UBE2U: variants seen among roughly 807,000 people sequenced by gnomAD.
The protein encoded by UBE2U is ubiquitin conjugating enzyme E2 U.
In UBE2U, 39 loss-of-function variants were observed where a neutral mutation model predicts 41.2. The ratio of observed to expected loss-of-function variants is 0.95; its 90% CI spans 0.73 to 1.24. The LOEUF (loss-of-function observed/expected upper bound fraction) is 1.24, where lower values mean the gene tolerates loss of function less well. UBE2U is among the 50% of genes most tolerant of loss of function. UBE2U has a pLI of 0.00. For synonymous variants in UBE2U, 107 were observed against 117.8 expected, an observed-to-expected ratio of 0.91 and a Z score of 0.60; for missense variants, 336 against 363.1, an observed-to-expected ratio of 0.93 and a Z score of 0.61.
chr1:64,246,539 A>C (rs1644924217), intron 8 of UBE2U, among the ~76,000 whole-genome samples: 1 of 152,180 alleles, frequency 6.6e-6, no homozygotes. Flanking sequence ...GTGGTTAACA[A>C]GTGAATTAGC....
At chr1:64,232,211 A>G (rs1644580518) in intron 6 of UBE2U, among the ~76,000 whole-genome samples, 1 of 152,254 alleles carries the variant, frequency 6.6e-6, no homozygotes, top group Admixed American at 6.5e-5. Context: ...ATTGTTTCTT[A>G]TAGAATGAGA....
At chr1:64,239,172 G>GAAGAAGAAGAAGAAGAAGAA (rs1644779882) in intron 7 of UBE2U, among the ~76,000 whole-genome samples, 18 of 95,736 alleles carry the variant, frequency 1.9e-4, no homozygotes, top group African/African-American at 7.5e-4. Context: ...AGAAGAAGAA[G>GAAGAAGAAGAAGAAGAAGAA]AAGAAGAAGA....
rs1417204759 is a variant in UBE2U at position 64,249,515 on chromosome 1, C to A, written c.677+7782C>A. ...GAATTAACAGATACAGACTTTAAAG[C>A]AGCTACTATACATCTTATAAAATAT... On this transcript the variant is annotated intron_variant, in intron 8 of 9. Coordinates refer to ENST00000371077, the MANE Select transcript of UBE2U (RefSeq NM_001366232.2). Among the ~76,000 whole-genome samples the A allele has an allele frequency of 1.3e-5, 2 of 151,222 alleles. 1 individual carries two copies. Among genetic ancestry groups the A allele is most frequent in the African/African-American group, 4.9e-5 (2 of 41,162 alleles).
intron 8 of UBE2U, among the ~76,000 whole-genome samples, chr1:64,255,353 G>A (rs1390281143): frequency 6.6e-6 from 1 of 152,018 alleles, no homozygotes; most frequent in African/African-American, 2.4e-5. Flanking sequence ...AGAAGAGCTG[G>A]TACCATTTCT....
Position 64,252,442 on chromosome 1 carries a change from C to G in UBE2U, c.678-8161C>G, listed in dbSNP as rs553942009. Among the ~76,000 whole-genome samples, 40 of 152,342 alleles carry G rather than the reference C, an allele frequency of 2.6e-4. No homozygotes were observed. In the East Asian group the frequency reaches 7.3e-3, roughly 28 times the overall value. Reference sequence around the variant, plus strand: ...AAGTGGGTCCTTGATCCTGTTCCTCCTGACTGGGAGAGACCTTCCAATAGG... The same window carrying G: ...AAGTGGGTCCTTGATCCTGTTCCTCGTGACTGGGAGAGACCTTCCAATAGG... On this transcript the variant is annotated intron_variant, in intron 8 of 9. Transcript: ENST00000371077.
At chr1:64,229,311 A>G (rs1052031824) in intron 6 of UBE2U, among the ~76,000 whole-genome samples, 6 of 152,154 alleles carry the variant, frequency 3.9e-5, no homozygotes, top group Admixed American at 1.3e-4. Flanking sequence ...AGGGGTAGAA[A>G]AACTACAAGG....
In UBE2U at chr1:64,267,351, T is replaced by C. The variant is rs1435721839; in HGVS notation, c.*143T>C. ...TCACTGCAAGTACAAATTAGAAATA[T>C]AAGTACAAATCAGTAAAGATGTTGC... On this transcript the variant is annotated 3_prime_UTR_variant, in exon 10 of 10. Transcript: ENST00000371077. The C allele has an allele frequency of 1.5e-6, 1 of 668,672 alleles. No individual in the cohort carries two copies. The highest frequency in any genetic ancestry group is 1.9e-5 in the African/African-American group (1 of 53,032). 41.4% of individuals were successfully genotyped at this position (668,672 alleles called of 1,614,324 possible).
At chr1:64,221,883 G>A (rs529059924) in intron 6 of UBE2U, among the ~76,000 whole-genome samples, 84 of 152,162 alleles carry the variant, frequency 5.5e-4, no homozygotes, top group Middle Eastern at 6.8e-3. Context: ...TCAGAAGATC[G>A]AGACCATCCT....
intron 5 of UBE2U, among the ~76,000 whole-genome samples, chr1:64,220,002 C>CT (rs945207551): frequency 1.3e-5 from 2 of 152,092 alleles, no homozygotes; most frequent in African/African-American, 2.4e-5. Flanking sequence ...CTATTTTTCT[C>CT]TTTTTTTGTG....
chr1:64,260,967 C>T (rs548153128), intron 9 of UBE2U, among the ~76,000 whole-genome samples: 1 of 152,234 alleles, frequency 6.6e-6, no homozygotes, highest in East Asian at 1.9e-4. Context: ...AATTTTAAGG[C>T]TAAGTTTCAA....
intron 8 of UBE2U, among the ~76,000 whole-genome samples, chr1:64,249,523 A>G (rs984296355): frequency 2.0e-5 from 3 of 152,048 alleles, no homozygotes; most frequent in Admixed American, 2.0e-4. Flanking sequence ...AGCAGCTACT[A>G]TACATCTTAT....
intron 8 of UBE2U, chr1:64,244,319 A>G (rs970602533): frequency 1.1e-4 from 111 of 971,286 alleles, no homozygotes; most frequent in Non-Finnish European, 1.4e-4. Context: ...CATTCGAGAT[A>G]TAAATAAAAA....
In UBE2U at chr1:64,267,035, C is replaced by A. The variant is rs1232155267; in HGVS notation, c.781C>A (p.Leu261Ile). 2.6e-6 allele frequency: 4 copies of A among 1,547,342 alleles called. No homozygotes were observed. The African/African-American group carries it at 4.1e-5, about 16-fold the overall frequency. Residue 261 changes from leucine (L) to isoleucine (I), a missense_variant, in exon 10 of 10, where the codon CTT (leucine) becomes ATT (isoleucine). Transcript: ENST00000371077. The stretch of plus-strand genomic sequence containing the variant: ...AATTCCCACCACAGATGAAATTTTT[C>A]TTGAGTCACCAACTGCAATAAATAG... ...KLCPTLNEIF[L>I]ESPTAINSIT...
chr1:64,249,741 A>C (rs972200601), intron 8 of UBE2U, among the ~76,000 whole-genome samples: 5 of 152,018 alleles, frequency 3.3e-5, no homozygotes, highest in African/African-American at 1.2e-4. Context: ...GATAGAAAAA[A>C]AGACTGAAAA....
intron 4 of UBE2U, among the ~76,000 whole-genome samples, chr1:64,212,596 A>T (rs998081499): frequency 1.3e-5 from 2 of 152,200 alleles, no homozygotes; most frequent in Non-Finnish European, 2.9e-5. Flanking sequence ...CTCAATAGTT[A>T]ATACAGGTCG....
intron 5 of UBE2U, among the ~76,000 whole-genome samples, chr1:64,219,528 A>G (rs1332989192): frequency 1.3e-5 from 2 of 149,196 alleles, no homozygotes; most frequent in African/African-American, 4.9e-5. Context: ...CATTTTCCCT[A>G]TTGACTCTTC....
chr1:64,223,320 G>A (rs1652620216), intron 6 of UBE2U, among the ~76,000 whole-genome samples: 1 of 152,110 alleles, frequency 6.6e-6, no homozygotes, highest in African/African-American at 2.4e-5. Flanking sequence ...TCTTCTGAAA[G>A]GGAGACAGTG....
At position 64,259,918 on chromosome 1, in the gene UBE2U, C is replaced by A. The variant is rs552327980; in HGVS notation, c.678-685C>A. 1.2e-3 allele frequency among the ~76,000 whole-genome samples: 186 copies of A among 151,786 alleles called. 2 individuals are homozygous for A. The highest frequency in any genetic ancestry group is 4.1e-3 in the African/African-American group (170 of 41,378). ...TCCCCCCAGAACCTCAGCATATGAC[C>A]TTATTTCAAAATAGGGTCTTTGCAG... On this transcript the variant is annotated intron_variant, in intron 8 of 9. Coordinates refer to ENST00000371077, the MANE Select transcript of UBE2U (RefSeq NM_001366232.2).
chr1:64,226,653 G>A (rs141568570), intron 6 of UBE2U, among the ~76,000 whole-genome samples: 9 of 151,566 alleles, frequency 5.9e-5, no homozygotes, highest in Non-Finnish European at 1.2e-4. Context: ...GCAATATATT[G>A]AGACCCATCT....
Sources: allele counts gnomAD v4.1 joint callset (sites outside exome capture counted in the v4.1 genomes callset), GRCh38; gene constraint gnomAD v4.1.1; transcripts MANE v1.5; gene names NCBI Gene and HGNC (gene_info 2026-07-23, HGNC 2026-07-21).